The following LEKR1 variants were observed in gnomAD, a reference collection of about 807,000 sequenced individuals.
The protein encoded by LEKR1 is protein LEKR1.
A neutral mutation model predicts 72.4 loss-of-function variants in LEKR1; 59 were observed. That is an observed-to-expected ratio of 0.82 (90% CI 0.66 to 1.01). The LOEUF is 1.01. LEKR1 is among the 50% of genes least tolerant of loss of function. The pLI, the probability that LEKR1 is intolerant of heterozygous loss-of-function variation, is 0.00. For synonymous variants in LEKR1, 257 were observed against 263.2 expected (o/e 0.98, Z 0.23); for missense variants, 728 against 759.2 (o/e 0.96, Z 0.48).
intron 2 of LEKR1, among the ~76,000 whole-genome samples, chr3:156,836,310 C>T (rs977839839): frequency 4.6e-5 from 7 of 151,724 alleles, no homozygotes; most frequent in Non-Finnish European, 7.4e-5. Context: ...CAGGTTTTTC[C>T]CTAAATGGGG....
chr3:156,844,735 C>A (rs1460080442), intron 2 of LEKR1, among the ~76,000 whole-genome samples: 4 of 151,788 alleles, frequency 2.6e-5, no homozygotes, highest in Admixed American at 1.3e-4. Flanking sequence ...ATGAATGTAC[C>A]AGTTTGTTTA....
chr3:156,885,122 C>T (rs1318889284), intron 3 of LEKR1, among the ~76,000 whole-genome samples: 1 of 152,012 alleles, frequency 6.6e-6, no homozygotes, highest in Non-Finnish European at 1.5e-5. Context: ...CTTTCATTTC[C>T]AGAAGTTGTG....
At chr3:156,850,257 A>G (rs1324207554) in intron 2 of LEKR1, among the ~76,000 whole-genome samples, 1 of 151,226 alleles carries the variant, frequency 6.6e-6, no homozygotes, top group African/African-American at 2.4e-5. Flanking sequence ...ATTTTTATAT[A>G]TTTTATATAT....
chr3:156,845,612 T>A (rs1235116641), intron 2 of LEKR1, among the ~76,000 whole-genome samples: 2 of 152,138 alleles, frequency 1.3e-5, no homozygotes, highest in African/African-American at 4.8e-5. Flanking sequence ...TTCATTGAAC[T>A]GCTTTTGTAC....
At chr3:156,954,055 A>G (rs1012110645) in intron 6 of LEKR1, among the ~76,000 whole-genome samples, 1 of 151,966 alleles carries the variant, frequency 6.6e-6, no homozygotes, top group Admixed American at 6.6e-5. Context: ...AATAATCACC[A>G]TTCTGACTGG....
intron 6 of LEKR1, among the ~76,000 whole-genome samples, chr3:156,973,222 A>G (rs1363814227): frequency 6.6e-6 from 1 of 152,112 alleles, no homozygotes; most frequent in Non-Finnish European, 1.5e-5. Context: ...TGTCTCAAGC[A>G]CTATAACAGA....
At chr3:157,004,995 A>G (rs1287424206) in intron 9 of LEKR1, among the ~76,000 whole-genome samples, 1 of 152,068 alleles carries the variant, frequency 6.6e-6, no homozygotes, top group African/African-American at 2.4e-5. Flanking sequence ...CAGTGAAACA[A>G]AAATTTGTTT....
rs1221855501 is a variant in LEKR1 at position 157,028,294 on chromosome 3, A to C, written c.1560A>C (p.Ser520=). 3 of 1,613,442 alleles carry C rather than the reference A, an allele frequency of 1.9e-6. No homozygotes were observed. The highest frequency in any genetic ancestry group is 2.5e-6 in the Non-Finnish European group (3 of 1,179,688). Residue 520 remains serine, a synonymous_variant, in exon 12 of 13, where the codon TCA becomes TCC. Transcript: ENST00000356539. ...RLKKEIDSND[S]VSENLRKEME... is the part of the protein sequence containing the mutation. ...AGAAGGAAATTGACAGTAATGATTC[A>C]GTTTCAGAAAACTTGAGGAAGGAAA...
intron 3 of LEKR1, among the ~76,000 whole-genome samples, chr3:156,864,800 A>G (rs1031286135): frequency 6.6e-6 from 1 of 151,938 alleles, no homozygotes; most frequent in African/African-American, 2.4e-5. Context: ...CTCATTTTTT[A>G]TGTGGCCTTT....
intron 12 of LEKR1, among the ~76,000 whole-genome samples, chr3:157,029,989 G>A (rs1232794208): frequency 6.6e-6 from 1 of 152,164 alleles, no homozygotes; most frequent in South Asian, 2.1e-4. Flanking sequence ...TTAGTCTAAA[G>A]GAATATGTGA....
chr3:157,013,548 A>C (rs545943743), intron 10 of LEKR1, among the ~76,000 whole-genome samples: 1 of 152,264 alleles, frequency 6.6e-6, no homozygotes, highest in Admixed American at 6.5e-5. Flanking sequence ...ATTATATTGC[A>C]GAGGTATGTA....
chr3:156,962,591 T>G (rs1486598707), intron 6 of LEKR1, among the ~76,000 whole-genome samples: 2 of 151,878 alleles, frequency 1.3e-5, no homozygotes, highest in East Asian at 3.9e-4. Flanking sequence ...ATCACTGGAG[T>G]CGTCTAAGAT....
chr3:156,849,970 C>A (rs1425882348), intron 2 of LEKR1, among the ~76,000 whole-genome samples: 2 of 152,106 alleles, frequency 1.3e-5, no homozygotes, highest in African/African-American at 2.4e-5. Flanking sequence ...AGTGAACAGG[C>A]AACCTACACA....
At chr3:156,967,174 G>T (rs1220134896) in intron 6 of LEKR1, among the ~76,000 whole-genome samples, 2 of 152,090 alleles carry the variant, frequency 1.3e-5, no homozygotes, top group Non-Finnish European at 2.9e-5. Flanking sequence ...CACAAAGATG[G>T]GGAAAAAACA....
chr3:156,844,056 A>G (rs1048474124), intron 2 of LEKR1, among the ~76,000 whole-genome samples: 1 of 152,180 alleles, frequency 6.6e-6, no homozygotes, highest in African/African-American at 2.4e-5. Flanking sequence ...ACTTTTGCCA[A>G]CTGACCATAG....
chr3:156,923,928 C>T (rs1455740326), intron 4 of LEKR1, among the ~76,000 whole-genome samples: 2 of 152,102 alleles, frequency 1.3e-5, no homozygotes, highest in Admixed American at 6.6e-5. Context: ...GGGATTTCAC[C>T]GTGTTAGCCA....
rs1284787591 is a variant in LEKR1 at position 156,942,558 on chromosome 3, G to A, written c.589G>A (p.Val197Ile). The change falls in exon 6 of 13, where the codon GTA becomes ATA. Residue 197 changes from valine to isoleucine, a missense_variant. Val to Ile is a conservative substitution (Grantham distance 29). Coordinates refer to ENST00000356539, the MANE Select transcript of LEKR1 (RefSeq NM_001004316.3). ...AGACATACTGAATAAAAGTTTGACA[G>A]TATCCCAGAGAAATAAAGTATGCCT... Reference protein sequence around the residue: ...EIDILNKSLTVSQRNKVCLEK... With the variant: ...EIDILNKSLTISQRNKVCLEK... 1 of 1,251,974 alleles carries A rather than the reference G, an allele frequency of 8.0e-7. No homozygotes were observed. Among genetic ancestry groups the A allele is most frequent in the South Asian group, 1.3e-5 (1 of 77,558 alleles). The allele number at this position is 1,251,974 out of a possible 1,614,324, so 77.6% of individuals were successfully genotyped here.
chr3:157,021,259 G>T (rs1226201431), intron 10 of LEKR1, among the ~76,000 whole-genome samples: 1 of 151,776 alleles, frequency 6.6e-6, no homozygotes, highest in African/African-American at 2.4e-5. Flanking sequence ...AGTTTCTTTT[G>T]CTGTGCAGAA....
chr3:157,027,635 G>A (rs1168722557), intron 11 of LEKR1, among the ~76,000 whole-genome samples: 1 of 152,074 alleles, frequency 6.6e-6, no homozygotes, highest in Non-Finnish European at 1.5e-5. Context: ...TGGTAACACA[G>A]AGAGACACCA....
Sources: gnomAD v4.1 joint callset for allele counts (sites outside exome capture counted in the v4.1 genomes callset) on GRCh38, gnomAD v4.1.1 for gene constraint, MANE v1.5 for transcripts, NCBI Gene and HGNC (gene_info 2026-07-23, HGNC 2026-07-21) for gene names.